WRN: variants seen among roughly 807,000 people sequenced by gnomAD.
The protein encoded by WRN is bifunctional 3'-5' exonuclease/ATP-dependent helicase WRN.
WRN carries 149 observed loss-of-function variants against 180.7 expected under a neutral mutation model. The ratio of observed to expected loss-of-function variants is 0.82; its 90% CI spans 0.72 to 0.94. The LOEUF is 0.94. Ranked by LOEUF, WRN falls within the 40% of genes least tolerant of loss-of-function variation. The pLI, the probability that WRN is intolerant of heterozygous loss-of-function variation, is 0.00. For synonymous variants in WRN, 548 were observed against 568.9 expected (o/e 0.96, Z 0.52); for missense variants, 1,661 against 1,700.1 (o/e 0.98, Z 0.40).
At chr8:31,084,376 T>C (rs11574231) in intron 10 of WRN, among the ~76,000 whole-genome samples, 14 of 152,174 alleles carry the variant, frequency 9.2e-5, no homozygotes, top group African/African-American at 3.4e-4. Flanking sequence ...ATTAGTATTG[T>C]TTTCTTTATT....
Position 31,142,647 on chromosome 8 carries a change from C to T in WRN, c.3255C>T (p.Gly1085=), listed in dbSNP as rs1469082548. The part of the protein sequence containing the change: ...LLPSSKTVSS[G]TKEHCYNQVP... ...TTAGTTCGAAAACTGTATCTTCGGG[C>T]ACCAAAGAGCATTGTTATAATCAAG... The change falls in exon 27 of 35, where the codon GGC becomes GGT. Residue 1085 remains glycine (G), a synonymous_variant. Transcript: ENST00000298139. 5 of 1,599,920 alleles carry T rather than the reference C, an allele frequency of 3.1e-6. No homozygotes were observed. The highest frequency in any genetic ancestry group is 1.3e-5 in the African/African-American group (1 of 74,596).
Position 31,111,701 on chromosome 8 carries a change from C to G in WRN, c.2175C>G (p.Ile725Met). 1 of 1,614,070 alleles carries G rather than the reference C, an allele frequency of 6.2e-7. No individual in the cohort carries two copies. Among genetic ancestry groups the G allele is most frequent in the Non-Finnish European group, 8.5e-7 (1 of 1,179,970 alleles). Residue 725 changes from isoleucine (I) to methionine (M), a missense_variant, in exon 19 of 35, where the codon ATC (isoleucine) becomes ATG (methionine). Ile to Met is a conservative substitution (Grantham distance 10, BLOSUM62 1). This residue lies in a region of WRN where 1,141 missense variants were observed against 1,149.4 expected (regional missense o/e 0.99). Coordinates refer to ENST00000298139, the MANE Select transcript of WRN (RefSeq NM_000553.6). ...VRCLNLRNPQ[I>M]TCTGFDRPNL... Reference sequence around the variant, plus strand: ...GCTTAAATCTGAGAAATCCTCAGATCACCTGTACTGGTTTTGATCGACCAA... The same window carrying G: ...GCTTAAATCTGAGAAATCCTCAGATGACCTGTACTGGTTTTGATCGACCAA...
intron 34 of WRN, among the ~76,000 whole-genome samples, chr8:31,172,139 TTGTG>T (rs560889099): frequency 6.6e-5 from 10 of 150,804 alleles, no homozygotes; most frequent in African/African-American, 1.9e-4. Context: ...AACACTACCT[TTGTG>T]TGTGTGTGTG....
At chr8:31,047,629 G>A (rs1011694965) in intron 1 of WRN, among the ~76,000 whole-genome samples, 14 of 152,142 alleles carry the variant, frequency 9.2e-5, no homozygotes, top group Non-Finnish European at 1.2e-4. Context: ...CAAGGCAACC[G>A]TTAACATCCA....
At chr8:31,102,657 T>G (rs1404687111) in intron 18 of WRN, among the ~76,000 whole-genome samples, 2 of 152,196 alleles carry the variant, frequency 1.3e-5, no homozygotes, top group Non-Finnish European at 2.9e-5. Flanking sequence ...TATACCTGTA[T>G]AGGGTGCTTC....
At chr8:31,046,052 A>C (rs1585388539) in intron 1 of WRN, among the ~76,000 whole-genome samples, 1 of 151,998 alleles carries the variant, frequency 6.6e-6, no homozygotes, top group African/African-American at 2.4e-5. Context: ...GCAGGTTGTC[A>C]TTTTTGCTGT....
At position 31,125,537 on chromosome 8, in the gene WRN, GATATATATATATATATATATATAT is replaced by G. The variant is rs71206299; in HGVS notation, c.2825+546_2825+569del. Reference sequence around the variant, plus strand: ...GAAATAGGACGATTGATATTATGGAGATATATATATATATATATATATATATATATATGGGGAGGGAAAGGAAGA... The same window carrying G: ...GAAATAGGACGATTGATATTATGGAGATATATATGGGGAGGGAAAGGAAGA... On this transcript the variant is annotated intron_variant, in intron 23 of 34. Transcript: ENST00000298139. Among the ~76,000 whole-genome samples the G allele has an allele frequency of 1.4e-4, 9 of 63,764 alleles. No individual in the cohort carries two copies. The East Asian group carries it at 5.8e-3, about 41-fold the overall frequency. The allele number at this position is 63,764 out of a possible 152,430, so 41.8% of individuals were successfully genotyped here.
intron 24 of WRN, 81 bp from the exon 25 acceptor site, chr8:31,141,349 A>G: frequency 6.4e-7 from 1 of 1,555,958 alleles, no homozygotes; most frequent in East Asian, 2.3e-5. Flanking sequence ...AATCCAAAGA[A>G]TCAATAGACA....
intron 17 of WRN, among the ~76,000 whole-genome samples, chr8:31,098,885 A>T (rs555741176): frequency 2.0e-5 from 3 of 152,318 alleles, no homozygotes; most frequent in Admixed American, 2.0e-4. Flanking sequence ...GCTTTTTAAA[A>T]AATGAAAGTT....
At chr8:31,041,735 G>A (rs1203093595) in intron 1 of WRN, among the ~76,000 whole-genome samples, 1 of 152,144 alleles carries the variant, frequency 6.6e-6, no homozygotes, top group Non-Finnish European at 1.5e-5. Flanking sequence ...ATAGTAAATA[G>A]ATTAGGGAAA....
At chr8:31,073,922 C>CT (rs1224688738) in intron 7 of WRN, among the ~76,000 whole-genome samples, 1,462 of 144,220 alleles carry the variant, frequency 0.01, 21 homozygotes, top group African/African-American at 0.032. Context: ...CCTTTTCTTT[C>CT]TTTTTTTTTT....
chr8:31,055,613 G>GTTT lies in WRN; in HGVS notation c.-76-2751_-76-2749dup, dbSNP rs374316077. 7.1e-4 allele frequency among the ~76,000 whole-genome samples: 105 copies of GTTT among 147,220 alleles called. 1 individual carries two copies. The highest frequency in any genetic ancestry group is 2.4e-3 in the African/African-American group (97 of 40,274). On this transcript the variant is annotated intron_variant, in intron 1 of 34. Coordinates refer to ENST00000298139, the MANE Select transcript of WRN (RefSeq NM_000553.6). The stretch of plus-strand genomic sequence containing the variant: ...TGCCTACTTTTTAATGGGATTGTTT[G>GTTT]TTTTTTTTTTCTTGTAAATTTGTTT...
At chr8:31,154,532 G>T (rs1475183872) in intron 31 of WRN, 92 bp from the exon 32 acceptor site, 1 of 1,441,584 alleles carries the variant, frequency 6.9e-7, no homozygotes, top group Non-Finnish European at 9.4e-7. Flanking sequence ...TTTAACTTGT[G>T]TTATTTTTTT....
chr8:31,048,118 A>G (rs975275394), intron 1 of WRN, among the ~76,000 whole-genome samples: 1 of 152,238 alleles, frequency 6.6e-6, no homozygotes, highest in African/African-American at 2.4e-5. Context: ...AAAAATTGTT[A>G]GATACCTATA....
At chr8:31,160,526 C>T (rs1315797151) in intron 33 of WRN, among the ~76,000 whole-genome samples, 1 of 152,294 alleles carries the variant, frequency 6.6e-6, no homozygotes, top group East Asian at 1.9e-4. Flanking sequence ...CTTTGTTTCT[C>T]CAGTGCAGAA....
chr8:31,120,163 T>G (rs1801667996), intron 20 of WRN, 80 bp from the exon 21 acceptor site: 18 of 1,555,210 alleles, frequency 1.2e-5, no homozygotes, highest in Non-Finnish European at 1.6e-5. Flanking sequence ...ACGAACAAAT[T>G]ATTCTTACAA....
chr8:31,113,241 A>G (rs1314944358), intron 19 of WRN, among the ~76,000 whole-genome samples: 1 of 151,724 alleles, frequency 6.6e-6, no homozygotes, highest in Non-Finnish European at 1.5e-5. Flanking sequence ...ATACAAACAC[A>G]AAACAAGCAT....
At position 31,098,717 on chromosome 8, in the gene WRN, T is replaced by G. The variant is rs566711081; in HGVS notation, c.1981+1867T>G. Among the ~76,000 whole-genome samples the G allele has an allele frequency of 3.9e-5, 6 of 152,322 alleles. 1 individual carries two copies. The highest frequency in any genetic ancestry group is 1.4e-4 in the African/African-American group (6 of 41,582). ...TAAATGTTAAATTACTTAAGTAGTC[T>G]GGATTTTTAACAGAAACAGCAAACA... On this transcript the variant is annotated intron_variant, in intron 17 of 34. Coordinates refer to ENST00000298139, the MANE Select transcript of WRN (RefSeq NM_000553.6).
intron 20 of WRN, 107 bp from the exon 21 acceptor site, chr8:31,120,136 G>A: frequency 7.5e-7 from 1 of 1,325,094 alleles, no homozygotes; most frequent in Non-Finnish European, 1.1e-6. Context: ...TCCACTTTGT[G>A]CCAGGGACTT....
Sources: allele counts gnomAD v4.1 joint callset (sites outside exome capture counted in the v4.1 genomes callset), GRCh38; gene constraint gnomAD v4.1.1; regional missense constraint gnomAD v4.1.1; transcripts MANE v1.5; gene names NCBI Gene and HGNC (gene_info 2026-07-23, HGNC 2026-07-21).